The following CNTLN variants were observed in gnomAD, a reference collection of about 807,000 sequenced individuals.
The protein encoded by CNTLN is centlein, centrosomal protein.
In CNTLN, 212 loss-of-function variants were observed where a neutral mutation model predicts 180.0. That is an observed-to-expected ratio of 1.18 (90% CI 1.05 to 1.32). The LOEUF (loss-of-function observed/expected upper bound fraction) is 1.32, where lower values mean the gene tolerates loss of function less well. Ranked by LOEUF, CNTLN falls within the 40% of genes most tolerant of loss-of-function variation. The pLI is 0.00. For synonymous variants in CNTLN, 722 were observed against 563.1 expected, an observed-to-expected ratio of 1.28 and a Z score of -3.99; for missense variants, 2,095 against 1,610.9, an observed-to-expected ratio of 1.30 and a Z score of -5.14.
At chr9:17,409,197 A>T (rs1827647017) in intron 15 of CNTLN, 96 bp from the exon 16 acceptor site, 1 of 1,150,696 alleles carries the variant, frequency 8.7e-7, no homozygotes, top group Non-Finnish European at 1.3e-6. Context: ...TTTTATATAC[A>T]ATCTATGCTA....
At chr9:17,485,127 CAT>C (rs765083533) in intron 24 of CNTLN, among the ~76,000 whole-genome samples, 6 of 152,100 alleles carry the variant, frequency 3.9e-5, no homozygotes, top group Non-Finnish European at 8.8e-5. Flanking sequence ...TTTTGCGAAA[CAT>C]GTGTAGGATG....
intron 21 of CNTLN, 55 bp from the exon 22 acceptor site, chr9:17,465,926 G>T (rs1362833201): frequency 7.1e-7 from 1 of 1,411,994 alleles, no homozygotes; most frequent in Non-Finnish European, 9.8e-7. Context: ...AACAAACACA[G>T]TATATTACTA....
intron 12 of CNTLN, among the ~76,000 whole-genome samples, chr9:17,359,906 A>T (rs7037019): frequency 0.83 from 125,746 of 150,742 alleles, 52,652 homozygotes; most frequent in Non-Finnish European, 0.87. Context: ...TCAAAAAAAA[A>T]AATAATAATA....
chr9:17,226,491 A>T (rs1587243756), intron 3 of CNTLN, among the ~76,000 whole-genome samples: 1 of 151,952 alleles, frequency 6.6e-6, no homozygotes, highest in Admixed American at 6.6e-5. Context: ...GAATTAATAG[A>T]TTATAACTCT....
In CNTLN at chr9:17,394,638, C is replaced by T; in HGVS notation, c.2184C>T (p.Leu728=). The T allele has an allele frequency of 6.2e-7, 1 of 1,610,506 alleles. No homozygotes were observed. Among genetic ancestry groups the T allele is most frequent in the Non-Finnish European group, 8.5e-7 (1 of 1,178,872 alleles). The change falls in exon 15 of 26, where the codon CTC becomes CTT. Residue 728 remains leucine, a synonymous_variant. Transcript: ENST00000380647. The stretch of plus-strand genomic sequence containing the variant: ...AAGAAAATGATTTTCTGAAATCCCT[C>T]TTAAAACAGCAACAAGAAGATACAG... ...LMKENDFLKS[L]LKQQQEDTET... is the part of the protein sequence containing the mutation.
At chr9:17,193,721 A>G (rs59211421) in intron 2 of CNTLN, among the ~76,000 whole-genome samples, 5,597 of 152,218 alleles carry the variant, frequency 0.037, 248 homozygotes, top group African/African-American at 0.11. Context: ...TTTGGATGAT[A>G]GTGCCCCTCT....
chr9:17,335,865 C>T (rs566505537), intron 10 of CNTLN, among the ~76,000 whole-genome samples: 2 of 149,200 alleles, frequency 1.3e-5, no homozygotes, highest in Non-Finnish European at 1.5e-5. Context: ...TCGCTTGAAC[C>T]CAGGAGGCAG....
At chr9:17,426,721 AT>A (rs2133956386) in intron 18 of CNTLN, among the ~76,000 whole-genome samples, 1 of 151,814 alleles carries the variant, frequency 6.6e-6, no homozygotes, top group African/African-American at 2.4e-5. Flanking sequence ...CTTCCTGTTT[AT>A]TTTTTCTGAT....
chr9:17,295,650 TCTTTA>T (rs1280538035), intron 6 of CNTLN, among the ~76,000 whole-genome samples: 2 of 152,152 alleles, frequency 1.3e-5, no homozygotes, highest in African/African-American at 4.8e-5. Context: ...GCCCTGTTTT[TCTTTA>T]CTTATTTTCA....
At chr9:17,293,629 C>T (rs896869378) in intron 6 of CNTLN, among the ~76,000 whole-genome samples, 4 of 152,218 alleles carry the variant, frequency 2.6e-5, no homozygotes, top group African/African-American at 9.7e-5. Context: ...CTTCCTGGCA[C>T]TGGCAGGGGA....
Position 17,210,475 on chromosome 9 carries a change from A to T in CNTLN, c.450-15728A>T, listed in dbSNP as rs145863972. Among the ~76,000 whole-genome samples the T allele has an allele frequency of 0.022, 3,396 of 152,266 alleles. 318 individuals are homozygous for T. The East Asian group carries it at 0.34, about 15-fold the overall frequency. The stretch of plus-strand genomic sequence containing the variant: ...ATCTAGTCTATCATTGATGGACATT[A>T]GGGTTGGTTCCAAGTCTTTGCTATT... On this transcript the variant is annotated intron_variant, in intron 2 of 25. Coordinates refer to ENST00000380647, the MANE Select transcript of CNTLN (RefSeq NM_017738.4).
rs148571621 is a variant in CNTLN, at chr9:17,303,938, C to G, written c.1147-5120C>G. 4.5e-3 allele frequency among the ~76,000 whole-genome samples: 692 copies of G among 152,206 alleles called. 4 individuals carry two copies. The highest frequency in any genetic ancestry group is 8.2e-3 in the Non-Finnish European group (559 of 67,978). ...TATTAAACTTCTTTAAGAATCAGAT[C>G]TTAGTTTACTGTTTCTAATGAAGTT... On this transcript the variant is annotated intron_variant, in intron 7 of 25. Coordinates refer to ENST00000380647, the MANE Select transcript of CNTLN (RefSeq NM_017738.4).
intron 5 of CNTLN, among the ~76,000 whole-genome samples, chr9:17,267,139 G>A (rs150398594): frequency 0.016 from 2,396 of 152,100 alleles, 68 homozygotes; most frequent in African/African-American, 0.055. Flanking sequence ...ATCCTTGATG[G>A]TCTTTACATT....
chr9:17,202,665 T>G (rs1207536678), intron 2 of CNTLN, among the ~76,000 whole-genome samples: 8 of 137,668 alleles, frequency 5.8e-5, no homozygotes, highest in African/African-American at 2.1e-4. Context: ...TTTTTTTTTT[T>G]TTTTTGTTGC....
At chr9:17,353,336 C>T (rs1410051968) in intron 12 of CNTLN, among the ~76,000 whole-genome samples, 5 of 144,748 alleles carry the variant, frequency 3.5e-5, no homozygotes, top group African/African-American at 5.1e-5. Context: ...TATTGTTTGC[C>T]GTCTATGAGG....
intron 10 of CNTLN, among the ~76,000 whole-genome samples, chr9:17,338,070 T>C (rs1025710759): frequency 1.3e-5 from 2 of 152,120 alleles, no homozygotes; most frequent in African/African-American, 4.8e-5. Flanking sequence ...CTTTTGAAAT[T>C]ATGTTTTGAC....
chr9:17,496,148 A>G (rs1441354740), intron 25 of CNTLN, among the ~76,000 whole-genome samples: 1 of 152,146 alleles, frequency 6.6e-6, no homozygotes, highest in Non-Finnish European at 1.5e-5. Flanking sequence ...ACATATTTAA[A>G]TCAACACTGA....
Position 17,235,717 on chromosome 9 carries a change from TGAA to T in CNTLN, c.598_600del (p.Glu200del). Reference sequence around the variant, plus strand: ...TTGTAAAACGGAAAATTGCAGTAGATGAAGAAAATGCTTTCTTAAGGAAAGAAT... The same window carrying T: ...TTGTAAAACGGAAAATTGCAGTAGATGAAAATGCTTTCTTAAGGAAAGAAT... On this transcript the variant is annotated inframe_deletion, in exon 4 of 26. Transcript: ENST00000380647. The T allele has an allele frequency of 6.2e-7, 1 of 1,608,024 alleles. No homozygotes were observed. The highest frequency in any genetic ancestry group is 8.5e-7 in the Non-Finnish European group (1 of 1,177,098).
chr9:17,521,268 A>AGAGAGAGAGAGAGAG, the CNTLN span, among the ~76,000 whole-genome samples: 1 of 144,168 alleles, frequency 6.9e-6, no homozygotes, highest in Non-Finnish European at 1.5e-5. Context: ...GGAGAAAAAG[A>AGAGAGAGAGAGAGAG]GAGAGAGAGA....
Sources: allele counts gnomAD v4.1 joint callset (sites outside exome capture counted in the v4.1 genomes callset), GRCh38; gene constraint gnomAD v4.1.1; transcripts MANE v1.5; gene names NCBI Gene and HGNC (gene_info 2026-07-23, HGNC 2026-07-21).